IRAK1BP1: variants seen among roughly 807,000 people sequenced by gnomAD.
The protein encoded by IRAK1BP1 is interleukin 1 receptor associated kinase 1 binding protein 1, also known as interleukin-1 receptor-associated kinase 1-binding protein 1.
In IRAK1BP1, 24 loss-of-function variants were observed where a neutral mutation model predicts 28.0. That is an observed-to-expected ratio of 0.86 (90% CI 0.62 to 1.20). The LOEUF (loss-of-function observed/expected upper bound fraction) is 1.20, where lower values mean the gene tolerates loss of function less well. IRAK1BP1 is among the 50% of genes most tolerant of loss of function. The pLI is 0.00. For synonymous variants in IRAK1BP1, 131 were observed against 116.3 expected (o/e 1.13, Z -0.81); for missense variants, 336 against 316.7 (o/e 1.06, Z -0.46).
At chr6:78,961,427 G>C in the IRAK1BP1 span, among the ~76,000 whole-genome samples, 2 of 151,822 alleles carry the variant, frequency 1.3e-5, no homozygotes, top group South Asian at 2.1e-4. Flanking sequence ...TCAGCCTCTA[G>C]GAAAAACTGT....
intron 2 of IRAK1BP1, among the ~76,000 whole-genome samples, chr6:78,888,161 A>G (rs1203909533): frequency 1.3e-5 from 2 of 152,226 alleles, no homozygotes; most frequent in African/African-American, 4.8e-5. Context: ...ATATCATAGA[A>G]GCAAAAAATA....
the IRAK1BP1 span, among the ~76,000 whole-genome samples, chr6:78,967,504 A>T: frequency 6.6e-6 from 1 of 152,218 alleles, no homozygotes; most frequent in Non-Finnish European, 1.5e-5. Flanking sequence ...ACTGAAGTCC[A>T]CCATTGAGAG....
intron 4 of IRAK1BP1, among the ~76,000 whole-genome samples, chr6:78,918,859 T>C (rs555068103): frequency 6.6e-6 from 1 of 152,258 alleles, no homozygotes; most frequent in South Asian, 2.1e-4. Flanking sequence ...TTGGATGTAA[T>C]AGGCACTACA....
At chr6:78,959,476 G>A in the IRAK1BP1 span, among the ~76,000 whole-genome samples, 4 of 152,040 alleles carry the variant, frequency 2.6e-5, no homozygotes, top group Non-Finnish European at 5.9e-5. Context: ...TACCAGCAGG[G>A]CAAACTGACA....
In IRAK1BP1 at chr6:78,941,203, A is replaced by T. The variant is rs1308755079; in HGVS notation, c.*68-4205A>T. The T allele has an allele frequency of 1.2e-6, 2 of 1,613,760 alleles. No homozygotes were observed. Among genetic ancestry groups the T allele is most frequent in the Admixed American group, 3.3e-5 (2 of 59,986 alleles). On this transcript the variant is annotated intron_variant and NMD_transcript_variant, in intron 4 of 4. Transcript: ENST00000606868. Reference sequence around the variant, plus strand: ...TACCCCTTTTCTTGTGTATAATTTCACCACTATTGGTATTAACTTCTACTT... The same window carrying T: ...TACCCCTTTTCTTGTGTATAATTTCTCCACTATTGGTATTAACTTCTACTT...
chr6:78,941,447 T>G (rs1416826481), intron 4 of IRAK1BP1: 5 of 601,462 alleles, frequency 8.3e-6, no homozygotes, highest in Non-Finnish European at 1.1e-5. Flanking sequence ...CCAAATTATT[T>G]TATTAAAATG....
intron 1 of IRAK1BP1, among the ~76,000 whole-genome samples, chr6:78,873,670 T>C (rs1171309219): frequency 1.3e-5 from 2 of 152,058 alleles, no homozygotes. Context: ...GGGGTCTTAC[T>C]ATGTTGTCCA....
chr6:78,879,055 A>C (rs1432901284), intron 1 of IRAK1BP1, among the ~76,000 whole-genome samples: 3 of 152,174 alleles, frequency 2.0e-5, no homozygotes, highest in Non-Finnish European at 4.4e-5. Flanking sequence ...GAATGGAACC[A>C]AGTTGGAAAA....
chr6:78,893,684 T>A (rs1055874559), intron 2 of IRAK1BP1, among the ~76,000 whole-genome samples: 2 of 152,110 alleles, frequency 1.3e-5, no homozygotes, highest in African/African-American at 4.8e-5. Context: ...GGTGGGTGGA[T>A]CACCTGACGT....
intron 1 of IRAK1BP1, among the ~76,000 whole-genome samples, chr6:78,878,560 C>G (rs1771098319): frequency 6.6e-6 from 1 of 152,172 alleles, no homozygotes; most frequent in Non-Finnish European, 1.5e-5. Flanking sequence ...AGCAGAAAAG[C>G]TGAAAATTCT....
At chr6:78,955,586 TG>T in the IRAK1BP1 span, 1 of 737,050 alleles carries the variant, frequency 1.4e-6, no homozygotes, top group Non-Finnish European at 2.4e-6. Context: ...AATATCAATA[TG>T]GTAATAATAA....
At chr6:78,895,354 C>G (rs1771842343) in intron 2 of IRAK1BP1, among the ~76,000 whole-genome samples, 1 of 152,020 alleles carries the variant, frequency 6.6e-6, no homozygotes, top group Non-Finnish European at 1.5e-5. Flanking sequence ...GAAATATTTC[C>G]TAGCTCATTC....
At chr6:78,955,923 C>A in the IRAK1BP1 span, 1 of 263,032 alleles carries the variant, frequency 3.8e-6, no homozygotes. Context: ...ATCTCCCAGT[C>A]TTTGCTTAGG....
At chr6:78,909,234 T>C (rs1274465684) in intron 4 of IRAK1BP1, among the ~76,000 whole-genome samples, 1 of 152,238 alleles carries the variant, frequency 6.6e-6, no homozygotes, top group Non-Finnish European at 1.5e-5. Context: ...GGCAGGAATA[T>C]GTCCAGACAA....
chr6:78,885,509 C>A, intron 2 of IRAK1BP1, 66 bp downstream of exon 2: 1 of 739,438 alleles, frequency 1.4e-6, no homozygotes, highest in Non-Finnish European at 2.2e-6. Context: ...TATTCTTGAA[C>A]TGAAATGAAT....
At chr6:78,970,168 T>C in the IRAK1BP1 span, 2 of 1,611,252 alleles carry the variant, frequency 1.2e-6, no homozygotes, top group Non-Finnish European at 1.7e-6. Flanking sequence ...TCATAAGTTC[T>C]TGTTCCTGAG....
intron 4 of IRAK1BP1, chr6:78,940,248 G>C (rs529862346): frequency 2.0e-5 from 3 of 151,578 alleles, no homozygotes; most frequent in Non-Finnish European, 4.4e-5. Flanking sequence ...ATCTTTTAGG[G>C]GCATGACTTG....
At chr6:78,978,503 T>G in the IRAK1BP1 span, 1 of 1,041,206 alleles carries the variant, frequency 9.6e-7, no homozygotes, top group South Asian at 1.9e-5. Flanking sequence ...CAAAACTGCT[T>G]CTATTTTCCA....
the IRAK1BP1 span, among the ~76,000 whole-genome samples, chr6:78,966,800 T>C: frequency 6.6e-6 from 1 of 152,258 alleles, no homozygotes; most frequent in Non-Finnish European, 1.5e-5. Context: ...CTTTATGCAA[T>C]GTTTTCCTGT....
Sources: allele counts gnomAD v4.1 joint callset (sites outside exome capture counted in the v4.1 genomes callset), GRCh38; gene constraint gnomAD v4.1.1; transcripts MANE v1.5; gene names NCBI Gene and HGNC (gene_info 2026-07-23, HGNC 2026-07-21).